The following TGFB3 variants were observed in gnomAD, a reference collection of about 807,000 sequenced individuals.
TGFB3 encodes transforming growth factor beta 3, also known as transforming growth factor beta-3 proprotein.
Under a neutral mutation model 40.1 loss-of-function variants are expected in TGFB3, and 5 were observed. The observed-to-expected ratio is 0.12, with a 90% confidence interval of 0.07 to 0.26. The LOEUF (loss-of-function observed/expected upper bound fraction) is 0.26. Ranked by LOEUF, TGFB3 falls within the 10% of genes least tolerant of loss-of-function variation. TGFB3 has a pLI of 1.00. For synonymous variants in TGFB3, 184 were observed against 205.6 expected, an observed-to-expected ratio of 0.89 and a Z score of 0.90; for missense variants, 373 against 530.1, an observed-to-expected ratio of 0.70 and a Z score of 2.91.
chr14:75,969,248 T>C (rs1270833445), intron 3 of TGFB3, among the ~76,000 whole-genome samples: 2 of 152,182 alleles, frequency 1.3e-5, no homozygotes, highest in African/African-American at 4.8e-5. Context: ...TCAGGGACTC[T>C]GGGCATCAAT....
At position 75,959,031 on chromosome 14, in the gene TGFB3, G is replaced by A. The variant is rs1425697519; in HGVS notation, c.*156C>T. On this transcript the variant is annotated 3_prime_UTR_variant, in exon 7 of 7. Transcript: ENST00000238682. ...TTCTCAGAGCCAGCAAGAAAGAAAT[G>A]TTCCAAAAGGAAACCTCCATCTCAG... The A allele has an allele frequency of 3.4e-6, 3 of 879,154 alleles. No homozygotes were observed. The highest frequency in any genetic ancestry group is 5.6e-6 in the Non-Finnish European group (3 of 539,892). 54.5% of individuals were successfully genotyped at this position (879,154 alleles called of 1,614,324 possible).
chr14:75,971,145 AC>A lies in TGFB3; in HGVS notation c.626del (p.Arg209LeufsTer5). The A allele has an allele frequency of 6.2e-7, 1 of 1,614,084 alleles. No homozygotes were observed. The highest frequency in any genetic ancestry group is 8.5e-7 in the Non-Finnish European group (1 of 1,180,014). ...WLSFDVTDTV[R>X]EWLLRRESNL... ...ACCTACCTCTTCTCAACAGCCACTCACGCACAGTGTCAGTGACATCAAAGGA... is the reference window on the plus strand; with the variant it reads ...ACCTACCTCTTCTCAACAGCCACTCAGCACAGTGTCAGTGACATCAAAGGA... On this transcript the variant is annotated frameshift_variant, in exon 3 of 7. Coordinates refer to ENST00000238682, the MANE Select transcript of TGFB3 (RefSeq NM_003239.5). LOFTEE classifies it high-confidence loss of function. This position sits in a 1 kb window ranked among gnomAD's most constrained non-coding sequence, Gnocchi z 4.5.
intron 3 of TGFB3, 123 bp from the exon 4 acceptor site, chr14:75,965,818 A>G (rs541543677): frequency 4.0e-5 from 33 of 824,440 alleles, no homozygotes; most frequent in Middle Eastern, 2.2e-4. Context: ...ACTGAGTTCT[A>G]TTGAGGGTCA....
At chr14:75,974,539 C>T (rs534584421) in intron 1 of TGFB3, among the ~76,000 whole-genome samples, 153 of 152,020 alleles carry the variant, frequency 1.0e-3, no homozygotes, top group Non-Finnish European at 1.9e-3. Context: ...AAGCTTAGGA[C>T]ACAATTGCTA....
chr14:75,965,733 T>C lies in TGFB3; in HGVS notation c.647-38A>G, dbSNP rs555775578. 1.9e-6 allele frequency: 3 copies of C among 1,549,950 alleles called. No homozygotes were observed. The African/African-American group carries it at 4.1e-5, about 21-fold the overall frequency. ...ACAGAATTAGTGAGAAAAGCACCTC[T>C]GTGTGATGGGGAAGTGTGCCCACCA... On this transcript the variant is annotated intron_variant, in intron 3 of 6. Transcript: ENST00000238682.
chr14:75,965,545 C>A (rs775079521), intron 4 of TGFB3, 43 bp downstream of exon 4: 4 of 1,511,300 alleles, frequency 2.6e-6, no homozygotes, highest in South Asian at 1.1e-5. Context: ...CCATTAACTT[C>A]CCCCCCACTC....
At chr14:75,959,759 A>T (rs1180639372) in intron 6 of TGFB3, among the ~76,000 whole-genome samples, 4 of 149,886 alleles carry the variant, frequency 2.7e-5, no homozygotes. Context: ...CCACAGAGTG[A>T]GTCTGTCTCA....
rs867433351 is a variant in TGFB3, at chr14:75,958,909, C to G, written c.*278G>C. ...CATCTCAACTTACCATCCCTTTCCT[C>G]TATCCCCATCCCCTCTGTCTGCGTC... is the stretch of plus-strand genomic sequence containing the variant. On this transcript the variant is annotated 3_prime_UTR_variant, in exon 7 of 7. Transcript: ENST00000238682. The G allele has an allele frequency of 4.5e-5, 20 of 442,922 alleles. No homozygotes were observed. In the Middle Eastern group the frequency reaches 4.2e-3, roughly 93 times the overall value. The allele number at this position is 442,922 out of a possible 1,614,324, so 27.4% of individuals were successfully genotyped here. A position where few individuals can be genotyped will look rare whatever the true frequency, so the allele number is the denominator to read the frequency against.
At chr14:75,976,637 A>G (rs930007227) in intron 1 of TGFB3, among the ~76,000 whole-genome samples, 1 of 152,174 alleles carries the variant, frequency 6.6e-6, no homozygotes, top group African/African-American at 2.4e-5. Flanking sequence ...AGCTGGACCC[A>G]CAGTCCTCAA....
rs1421008373 is a variant in TGFB3 at position 75,971,647 on chromosome 14, T to A, written c.424A>T (p.Asn142Tyr). Reference protein sequence around the residue: ...FRFNVSSVEKNRTNLFRAEFR... With the variant: ...FRFNVSSVEKYRTNLFRAEFR... ...TCTGCTCGGAATAGGTTGGTTCTAT[T>A]TTTCTCCACTGAGGACACATTGAAG... The change falls in exon 2 of 7, where the codon AAT (asparagine) becomes TAT (tyrosine). Residue 142 changes from asparagine (N) to tyrosine (Y), a missense_variant. Physicochemically the swap from Asn to Tyr is moderately radical, Grantham distance 143. Transcript: ENST00000238682. This position sits in a 1 kb window ranked among gnomAD's most constrained non-coding sequence, Gnocchi z 4.5. 3 of 1,614,078 alleles carry A rather than the reference T, an allele frequency of 1.9e-6. No individual in the cohort carries two copies. Among genetic ancestry groups the A allele is most frequent in the East Asian group, 2.2e-5 (1 of 44,896 alleles).
At chr14:75,961,149 T>G (rs558147236) in intron 5 of TGFB3, 73 bp from the exon 6 acceptor site, 53 of 1,559,780 alleles carry the variant, frequency 3.4e-5, no homozygotes, top group Non-Finnish European at 4.4e-5. Flanking sequence ...TGCTCTCATA[T>G]TCTCCCTTGG....
Position 75,960,991 on chromosome 14 carries a change from C to G in TGFB3, c.1012G>C (p.Gly338Arg), listed in dbSNP as rs2140236191. 1 of 1,614,206 alleles carries G rather than the reference C, an allele frequency of 6.2e-7. No homozygotes were observed. Among genetic ancestry groups the G allele is most frequent in the East Asian group, 2.2e-5 (1 of 44,890 alleles). The change falls in exon 6 of 7, where the codon GGC becomes CGC. Residue 338 changes from glycine to arginine, a missense_variant. By Grantham distance (125) the Gly-to-Arg change is moderately radical (BLOSUM62 -2). Transcript: ENST00000238682. ...LGWKWVHEPK[G>R]YYANFCSGPC... ...CCTGAGCAGAAGTTGGCATAGTAGC[C>G]CTTAGGTTCATGGACCCACTTCCAG...
intron 1 of TGFB3, among the ~76,000 whole-genome samples, chr14:75,977,665 A>G (rs1008464102): frequency 6.6e-6 from 1 of 151,860 alleles, no homozygotes; most frequent in Admixed American, 6.6e-5. Flanking sequence ...GCAAAAAAAA[A>G]AAAAAAAAAA....
At position 75,965,583 on chromosome 14, in the gene TGFB3, G is replaced by T. The variant is rs754211381; in HGVS notation, c.754+5C>A. 5 of 1,609,382 alleles carry T rather than the reference G, an allele frequency of 3.1e-6. No individual in the cohort carries two copies. The highest frequency in any genetic ancestry group is 2.7e-5 in the African/African-American group (2 of 74,774). ...CCATCCTACCATACACATTCATTTT[G>T]TTACCTTTGAATTTGATTTCCATCA... is the stretch of plus-strand genomic sequence containing the variant. On this transcript the variant is annotated splice_donor_5th_base_variant and intron_variant, in intron 4 of 6. Coordinates refer to ENST00000238682, the MANE Select transcript of TGFB3 (RefSeq NM_003239.5).
chr14:75,970,952 A>G (rs781629843), intron 3 of TGFB3, 174 bp downstream of exon 3: 24 of 900,026 alleles, frequency 2.7e-5, no homozygotes, highest in Non-Finnish European at 4.2e-5. Flanking sequence ...CCTGTCTTAC[A>G]GTGAGCATTT....
At chr14:75,964,896 A>G (rs920625230) in intron 4 of TGFB3, among the ~76,000 whole-genome samples, 1 of 152,234 alleles carries the variant, frequency 6.6e-6, no homozygotes, top group African/African-American at 2.4e-5. Context: ...CTTTTCCCAG[A>G]CAAGCCTCTG....
rs2035394429 is a variant in TGFB3 at position 75,979,423 on chromosome 14, G to A, written c.352+1119C>T. Among the ~76,000 whole-genome samples, 1 of 152,142 alleles carries A rather than the reference G, an allele frequency of 6.6e-6. No homozygotes were observed. Among genetic ancestry groups the A allele is most frequent in the African/African-American group, 2.4e-5 (1 of 41,438 alleles). On this transcript the variant is annotated intron_variant, in intron 1 of 6. Transcript: ENST00000238682. This position sits in a 1 kb window ranked among gnomAD's most constrained non-coding sequence, Gnocchi z 4.8. Reference sequence around the variant, plus strand: ...TCCCAGGTGGGCCTGGGCTGAGGTAGTCAGGGCGGCGAGGACACCTGCTGG... The same window carrying A: ...TCCCAGGTGGGCCTGGGCTGAGGTAATCAGGGCGGCGAGGACACCTGCTGG...
rs1438628584 is a variant in TGFB3, at chr14:75,980,240, C to T, written c.352+302G>A. Among the ~76,000 whole-genome samples the T allele has an allele frequency of 6.6e-6, 1 of 152,198 alleles. No homozygotes were observed. The highest frequency in any genetic ancestry group is 1.5e-5 in the Non-Finnish European group (1 of 68,032). ...CGCATGTGCAAGAATACATATGTTT[C>T]CCTGGACAGCACAATGTAATTCCAA... On this transcript the variant is annotated intron_variant, in intron 1 of 6. Coordinates refer to ENST00000238682, the MANE Select transcript of TGFB3 (RefSeq NM_003239.5). This position sits in a 1 kb window ranked among gnomAD's most constrained non-coding sequence, Gnocchi z 4.3.
chr14:75,980,468 G>A lies in TGFB3; in HGVS notation c.352+74C>T. On this transcript the variant is annotated intron_variant, in intron 1 of 6. Transcript: ENST00000238682. This position sits in a 1 kb window ranked among gnomAD's most constrained non-coding sequence, Gnocchi z 4.3. ...CACCCTGCTGTGTGGCCAGCACTAG[G>A]CCCCCCTCTGCAGAGCTCCCAGCTC... The A allele has an allele frequency of 6.8e-7, 1 of 1,469,264 alleles. No homozygotes were observed. The highest frequency in any genetic ancestry group is 9.5e-7 in the Non-Finnish European group (1 of 1,049,304). The allele number at this position is 1,469,264 out of a possible 1,614,324, so 91.0% of individuals were successfully genotyped here.
Sources: allele counts gnomAD v4.1 joint callset (sites outside exome capture counted in the v4.1 genomes callset), GRCh38; gene constraint gnomAD v4.1.1; non-coding constraint Gnocchi (gnomAD v3.1); transcripts MANE v1.5; gene names NCBI Gene and HGNC (gene_info 2026-07-23, HGNC 2026-07-21).